TMEM132D: variants seen among roughly 807,000 people sequenced by gnomAD.
TMEM132D encodes mature OL transmembrane protein.
Under a neutral mutation model 62.3 loss-of-function variants are expected in TMEM132D, and 21 were observed. The observed-to-expected ratio is 0.34, with a 90% CI of 0.24 to 0.49. The LOEUF is 0.49. Ranked by LOEUF, TMEM132D falls within the 20% of genes least tolerant of loss-of-function variation. TMEM132D has a pLI of 0.99. For missense variants in TMEM132D, 1,346 were observed against 1,402.8 expected, an observed-to-expected ratio of 0.96 and a Z score of 0.65; for synonymous variants, 621 against 575.6, an observed-to-expected ratio of 1.08 and a Z score of -1.13.
At chr12:129,208,034 C>G (rs1349854867) in intron 5 of TMEM132D, among the ~76,000 whole-genome samples, 2 of 152,182 alleles carry the variant, frequency 1.3e-5, no homozygotes, top group African/African-American at 2.4e-5. Context: ...TCTGTGTCCA[C>G]TCATCAGCCT....
chr12:129,456,710 T>C (rs1036466401), intron 3 of TMEM132D, among the ~76,000 whole-genome samples: 6 of 152,220 alleles, frequency 3.9e-5, no homozygotes, highest in Admixed American at 6.5e-5. Context: ...TGTTTCTCTA[T>C]TGATTCCTCA....
At chr12:129,683,955 G>A (rs1267307717) in intron 2 of TMEM132D, among the ~76,000 whole-genome samples, 1 of 152,174 alleles carries the variant, frequency 6.6e-6, no homozygotes, top group African/African-American at 2.4e-5. Context: ...TAGACCTATA[G>A]TACAGGGTGA....
At chr12:129,424,691 G>C (rs71446272) in intron 3 of TMEM132D, among the ~76,000 whole-genome samples, 5 of 123,346 alleles carry the variant, frequency 4.1e-5, no homozygotes, top group East Asian at 5.1e-4. Flanking sequence ...CTGGGTGACA[G>C]AGCGAGACTC....
intron 1 of TMEM132D, among the ~76,000 whole-genome samples, chr12:129,821,043 A>G (rs1182906961): frequency 6.6e-6 from 1 of 152,258 alleles, no homozygotes; most frequent in East Asian, 1.9e-4. Context: ...CCTTTCTCCT[A>G]TATAAACCCA....
chr12:129,245,891 T>G (rs1291413910), intron 4 of TMEM132D, among the ~76,000 whole-genome samples: 2 of 152,216 alleles, frequency 1.3e-5, no homozygotes, highest in Admixed American at 1.3e-4. Context: ...AGATGTTTCA[T>G]GTAAAAATAC....
intron 8 of TMEM132D, among the ~76,000 whole-genome samples, chr12:129,077,245 C>T (rs916248773): frequency 7.2e-5 from 11 of 152,216 alleles, no homozygotes; most frequent in Admixed American, 6.5e-4. Flanking sequence ...CCTGGTACCT[C>T]ACCCTGCCGA....
chr12:129,825,801 C>T lies in TMEM132D; in HGVS notation c.79+77460G>A, dbSNP rs551087834. On this transcript the variant is annotated intron_variant, in intron 1 of 8. Coordinates refer to ENST00000422113, the MANE Select transcript of TMEM132D (RefSeq NM_133448.3). The stretch of plus-strand genomic sequence containing the variant: ...GGGTATAACCAGGTGCAGTGGCTCA[C>T]GCCTCTGATTCCAGCACTTTGGGAG... 4.2e-3 allele frequency among the ~76,000 whole-genome samples: 640 copies of T among 152,280 alleles called. 5 individuals carry two copies. Among genetic ancestry groups the T allele is most frequent in the South Asian group, 0.032 (155 of 4,824 alleles).
In TMEM132D at chr12:129,364,510, C is replaced by T. The variant is rs151300729; in HGVS notation, c.1116-26693G>A. Among the ~76,000 whole-genome samples, 898 of 152,286 alleles carry T rather than the reference C, an allele frequency of 5.9e-3. 31 individuals are homozygous for T. The highest frequency in any genetic ancestry group is 0.052 in the Admixed American group (789 of 15,294). On this transcript the variant is annotated intron_variant, in intron 3 of 8. Transcript: ENST00000422113. ...TAGAGGGATTTGGGGAGACGTATAGCGTAATTTTGTAGTTGCAATCGGGAA... is the reference window on the plus strand; with the variant it reads ...TAGAGGGATTTGGGGAGACGTATAGTGTAATTTTGTAGTTGCAATCGGGAA...
chr12:129,562,977 T>C (rs1877278143), intron 2 of TMEM132D, among the ~76,000 whole-genome samples: 1 of 152,202 alleles, frequency 6.6e-6, no homozygotes, highest in Non-Finnish European at 1.5e-5. Context: ...TGTGCTGTAA[T>C]TGATATAAGC....
intron 2 of TMEM132D, among the ~76,000 whole-genome samples, chr12:129,688,264 G>T (rs1880978984): frequency 6.6e-6 from 1 of 152,180 alleles, no homozygotes; most frequent in African/African-American, 2.4e-5. Flanking sequence ...TTATTTAAAT[G>T]TCTACTTTCC....
chr12:129,808,931 G>A (rs1872079702), intron 1 of TMEM132D, among the ~76,000 whole-genome samples: 1 of 152,124 alleles, frequency 6.6e-6, no homozygotes, highest in Admixed American at 6.5e-5. Flanking sequence ...GTAAAACTAG[G>A]ATAGAATAAA....
In TMEM132D at chr12:129,745,494, C is replaced by A. The variant is rs1192652349; in HGVS notation, c.80-44796G>T. Among the ~76,000 whole-genome samples the A allele has an allele frequency of 2.0e-5, 3 of 152,232 alleles. No homozygotes were observed. In the East Asian group the frequency reaches 5.8e-4, roughly 29 times the overall value. Reference sequence around the variant, plus strand: ...GACTGCCCTTTCACAACAGCCATCCCCCAAATGTCCTCTAACCTGTGAGTG... The same window carrying A: ...GACTGCCCTTTCACAACAGCCATCCACCAAATGTCCTCTAACCTGTGAGTG... On this transcript the variant is annotated intron_variant, in intron 1 of 8. Transcript: ENST00000422113.
chr12:129,085,150 C>T (rs1874578101), intron 5 of TMEM132D: 1 of 201,562 alleles, frequency 5.0e-6, no homozygotes, highest in African/African-American at 2.3e-5. Context: ...CCATGCACAG[C>T]ACAGCTCATT....
chr12:129,553,779 T>G (rs1876969325), intron 2 of TMEM132D, among the ~76,000 whole-genome samples: 1 of 152,182 alleles, frequency 6.6e-6, no homozygotes, highest in African/African-American at 2.4e-5. Context: ...ATTTTCCAGT[T>G]CCCTGGTCAT....
At chr12:129,089,438 A>C (rs372146458) in intron 5 of TMEM132D, among the ~76,000 whole-genome samples, 715 of 49,600 alleles carry the variant, frequency 0.014, 18 homozygotes, top group Middle Eastern at 0.023. Flanking sequence ...GGTGTCCTCC[A>C]TGACCGGGGT....
chr12:129,393,863 T>C (rs1297141166), intron 3 of TMEM132D, among the ~76,000 whole-genome samples: 1 of 152,176 alleles, frequency 6.6e-6, no homozygotes, highest in Non-Finnish European at 1.5e-5. Flanking sequence ...TTGAAGTTAC[T>C]GTGGCTGAGA....
At chr12:129,499,572 G>C (rs149769658) in intron 3 of TMEM132D, among the ~76,000 whole-genome samples, 2 of 152,320 alleles carry the variant, frequency 1.3e-5, no homozygotes, top group Non-Finnish European at 2.9e-5. Flanking sequence ...TGAGTGCACA[G>C]ATGGAGTGGA....
chr12:129,250,738 C>G (rs976069260), intron 4 of TMEM132D, among the ~76,000 whole-genome samples: 4 of 152,178 alleles, frequency 2.6e-5, no homozygotes, highest in African/African-American at 9.7e-5. Flanking sequence ...GATGACCAAG[C>G]CCTCCAAAGA....
intron 3 of TMEM132D, among the ~76,000 whole-genome samples, chr12:129,525,146 C>T (rs1425424895): frequency 1.4e-5 from 2 of 145,962 alleles, no homozygotes; most frequent in African/African-American, 5.0e-5. Context: ...AGGATGGTCT[C>T]GATCTCCTGA....
Sources: allele counts gnomAD v4.1 joint callset (sites outside exome capture counted in the v4.1 genomes callset), GRCh38; gene constraint gnomAD v4.1.1; transcripts MANE v1.5; gene names NCBI Gene and HGNC (gene_info 2026-07-23, HGNC 2026-07-21).